NR5A2: variants seen among roughly 807,000 people sequenced by gnomAD.
NR5A2 encodes the protein CYP7A promoter-binding factor.
A neutral mutation model predicts 62.7 loss-of-function variants in NR5A2; 26 were observed. That is an observed-to-expected ratio of 0.41 (90% CI 0.30 to 0.58). The LOEUF (loss-of-function observed/expected upper bound fraction) is 0.58. NR5A2 is among the 20% of genes least tolerant of loss of function. The pLI is 0.22. For missense variants in NR5A2, 541 were observed against 669.1 expected (o/e 0.81, Z 2.11); for synonymous variants, 246 against 241.7 (o/e 1.02, Z -0.16).
intron 5 of NR5A2, among the ~76,000 whole-genome samples, chr1:200,055,323 G>A (rs963312416): frequency 1.4e-4 from 21 of 152,086 alleles, no homozygotes; most frequent in African/African-American, 4.3e-4. Context: ...AGCCTCCCGA[G>A]TAGCTGGGAT....
chr1:200,056,676 C>T (rs1347631652), intron 5 of NR5A2, among the ~76,000 whole-genome samples: 1 of 152,124 alleles, frequency 6.6e-6, no homozygotes, highest in Non-Finnish European at 1.5e-5. Context: ...TCCATGGAAA[C>T]ATATCCTCCA....
chr1:200,105,249 A>G (rs1342918627), intron 5 of NR5A2, among the ~76,000 whole-genome samples: 1 of 151,970 alleles, frequency 6.6e-6, no homozygotes, highest in East Asian at 1.9e-4. Context: ...CATGTGGGCC[A>G]CCTTGCCCAG....
chr1:200,121,967 T>C (rs1666498286), intron 7 of NR5A2, among the ~76,000 whole-genome samples: 1 of 152,240 alleles, frequency 6.6e-6, no homozygotes, highest in South Asian at 2.1e-4. Context: ...CTGTTGCTAA[T>C]AAAGGGGTAG....
Position 200,048,848 on chromosome 1 carries a change from A to C in NR5A2, c.1110+30A>C. On this transcript the variant is annotated intron_variant, in intron 5 of 7. Coordinates refer to ENST00000367362, the MANE Select transcript of NR5A2 (RefSeq NM_205860.3). The surrounding 1 kb of genome is among the most constrained non-coding windows in gnomAD (Gnocchi z 4.8). The stretch of plus-strand genomic sequence containing the variant: ...GCCACCAGCTATTACAACTTACAGC[A>C]CCCCTTTTAAGAGAGACCTAACTAT... 1 of 1,608,498 alleles carries C rather than the reference A, an allele frequency of 6.2e-7. No individual in the cohort carries two copies. Among genetic ancestry groups the C allele is most frequent in the South Asian group, 1.1e-5 (1 of 90,898 alleles).
intron 5 of NR5A2, among the ~76,000 whole-genome samples, chr1:200,051,555 C>CGT (rs1553265980): frequency 6.6e-6 from 1 of 152,102 alleles, no homozygotes; most frequent in Non-Finnish European, 1.5e-5. Flanking sequence ...AAAGTACAAA[C>CGT]GTGAGGGTCG....
rs576147543 is a variant in NR5A2, at chr1:200,042,449, T to C, written c.203-1325T>C. The stretch of plus-strand genomic sequence containing the variant: ...GCGGCGATACTGTGGCGGAGGACTT[T>C]GGCGATGGGGTGGGGGCTATTTCTC... On this transcript the variant is annotated intron_variant, in intron 2 of 7. Coordinates refer to ENST00000367362, the MANE Select transcript of NR5A2 (RefSeq NM_205860.3). Among the ~76,000 whole-genome samples, 447 of 152,348 alleles carry C rather than the reference T, an allele frequency of 2.9e-3. 1 individual carries two copies. Among genetic ancestry groups the C allele is most frequent in the African/African-American group, 0.01 (418 of 41,584 alleles).
chr1:200,047,856 G>C (rs1206774641), intron 4 of NR5A2, among the ~76,000 whole-genome samples: 1 of 152,106 alleles, frequency 6.6e-6, no homozygotes, highest in East Asian at 1.9e-4. Context: ...GGGATTACAG[G>C]TGTGAGCCAC....
chr1:200,107,476 C>T (rs776102383), intron 5 of NR5A2, among the ~76,000 whole-genome samples: 1 of 152,062 alleles, frequency 6.6e-6, no homozygotes, highest in Non-Finnish European at 1.5e-5. Context: ...ATAATGTGAA[C>T]AGCACAGAAT....
chr1:200,045,516 A>G lies in NR5A2; in HGVS notation c.395A>G (p.Lys132Arg). 1 of 1,613,538 alleles carries G rather than the reference A, an allele frequency of 6.2e-7. No homozygotes were observed. Among genetic ancestry groups the G allele is most frequent in the African/African-American group, 1.3e-5 (1 of 75,040 alleles). The part of the protein sequence containing the change: ...CIENQNCQID[K>R]TQRKRCPYCR... ...GAAAACCAGAACTGCCAAATTGACA[A>G]AACACAGAGAAAGCGTTGTCCTTAC... The change falls in exon 4 of 8, where the codon AAA becomes AGA. Residue 132 changes from lysine to arginine, a missense_variant. This residue lies in a region of NR5A2 where 54 missense variants were observed against 123.8 expected (regional missense o/e 0.44). Coordinates refer to ENST00000367362, the MANE Select transcript of NR5A2 (RefSeq NM_205860.3).
At chr1:200,127,448 G>A (rs180685655) in intron 7 of NR5A2, among the ~76,000 whole-genome samples, 61 of 151,758 alleles carry the variant, frequency 4.0e-4, no homozygotes, top group African/African-American at 8.7e-4. Context: ...AGGCCAAGGC[G>A]GGTGGATCAC....
intron 5 of NR5A2, among the ~76,000 whole-genome samples, chr1:200,093,443 C>T (rs989167739): frequency 6.6e-6 from 1 of 152,018 alleles, no homozygotes; most frequent in Non-Finnish European, 1.5e-5. Context: ...TAGAAACAAG[C>T]CAACAAGCCA....
At chr1:200,114,760 C>T (rs980869806) in intron 6 of NR5A2, among the ~76,000 whole-genome samples, 1 of 152,084 alleles carries the variant, frequency 6.6e-6, no homozygotes, top group Non-Finnish European at 1.5e-5. Context: ...AGATGAGGAA[C>T]CAAGGCAAAG....
intron 7 of NR5A2, among the ~76,000 whole-genome samples, chr1:200,129,306 G>T (rs563236333): frequency 6.6e-6 from 1 of 152,194 alleles, no homozygotes; most frequent in South Asian, 2.1e-4. Flanking sequence ...TTATAAACAA[G>T]CCAAGAACTG....
chr1:200,069,821 G>C (rs373358360), intron 5 of NR5A2, among the ~76,000 whole-genome samples: 3 of 152,222 alleles, frequency 2.0e-5, no homozygotes, highest in South Asian at 2.1e-4. Flanking sequence ...GAATTCTTAA[G>C]TGACTAATTA....
Position 200,028,050 on chromosome 1 carries a change from T to C in NR5A2, c.64+139T>C, listed in dbSNP as rs192252630. On this transcript the variant is annotated intron_variant, in intron 1 of 7. Coordinates refer to ENST00000367362, the MANE Select transcript of NR5A2 (RefSeq NM_205860.3). Reference sequence around the variant, plus strand: ...TAAAAGCACACAATAAGCCTATGTATATATATCACACATTTATCTTTCTTG... The same window carrying C: ...TAAAAGCACACAATAAGCCTATGTACATATATCACACATTTATCTTTCTTG... 4.0e-4 allele frequency: 200 copies of C among 496,948 alleles called. No homozygotes were observed. In the Middle Eastern group the frequency reaches 5.0e-3, roughly 12 times the overall value. The allele number at this position is 496,948 out of a possible 1,614,324, so 30.8% of individuals were successfully genotyped here.
intron 7 of NR5A2, among the ~76,000 whole-genome samples, chr1:200,152,676 A>G (rs563309025): frequency 6.6e-6 from 1 of 152,294 alleles, no homozygotes; most frequent in Non-Finnish European, 1.5e-5. Flanking sequence ...AAATTTTCAA[A>G]TATCCCATTT....
chr1:200,093,991 C>T (rs540573745), intron 5 of NR5A2, among the ~76,000 whole-genome samples: 13 of 152,010 alleles, frequency 8.6e-5, no homozygotes, highest in African/African-American at 2.4e-4. Context: ...TCCGTCTCTA[C>T]TAAAAATACA....
intron 7 of NR5A2, among the ~76,000 whole-genome samples, chr1:200,161,102 G>A (rs565087510): frequency 6.6e-6 from 1 of 152,020 alleles, no homozygotes; most frequent in Non-Finnish European, 1.5e-5. Context: ...AGACCTCCAA[G>A]ACCAGCCAAG....
At chr1:200,142,304 A>T (rs1476344520) in intron 7 of NR5A2, among the ~76,000 whole-genome samples, 1 of 138,444 alleles carries the variant, frequency 7.2e-6, no homozygotes, top group African/African-American at 2.8e-5. Context: ...GGTTCAAGTG[A>T]TTCTCCTGCC....
Sources: gnomAD v4.1 joint callset for allele counts (sites outside exome capture counted in the v4.1 genomes callset) on GRCh38, gnomAD v4.1.1 for gene constraint, gnomAD v4.1.1 regional missense constraint, Gnocchi (gnomAD v3.1) non-coding constraint, MANE v1.5 for transcripts, NCBI Gene and HGNC (gene_info 2026-07-23, HGNC 2026-07-21) for gene names.